The following UBE3C variants were observed in gnomAD, a reference collection of about 807,000 sequenced individuals.
The protein encoded by UBE3C is ubiquitin-protein ligase E3C.
A neutral mutation model predicts 129.4 loss-of-function variants in UBE3C; 42 were observed. That is an observed-to-expected ratio of 0.32 (90% confidence interval 0.25 to 0.42). UBE3C has a LOEUF of 0.42. UBE3C is among the 10% of genes least tolerant of loss of function. The pLI is 1.00. For missense variants in UBE3C, 1,049 were observed against 1,319.1 expected (o/e 0.80, Z 3.17); for synonymous variants, 510 against 492.4 (o/e 1.04, Z -0.47).
rs1796448558 is a variant in UBE3C, at chr7:157,245,462, C to T, written c.2482-2906C>T. Among the ~76,000 whole-genome samples, 3 of 152,204 alleles carry T rather than the reference C, an allele frequency of 2.0e-5. 1 individual carries two copies. Among genetic ancestry groups the T allele is most frequent in the Non-Finnish European group, 4.4e-5 (3 of 68,048 alleles). On this transcript the variant is annotated intron_variant, in intron 18 of 22. Transcript: ENST00000348165. ...TTCGAAGTGATGCCGTTTATCAGTGCTCCAGGTTAATAGTATTAACCATCC... is the reference window on the plus strand; with the variant it reads ...TTCGAAGTGATGCCGTTTATCAGTGTTCCAGGTTAATAGTATTAACCATCC...
intron 2 of UBE3C, among the ~76,000 whole-genome samples, chr7:157,166,062 A>T (rs1394065594): frequency 6.6e-6 from 1 of 152,170 alleles, no homozygotes; most frequent in Non-Finnish European, 1.5e-5. Flanking sequence ...GTTTTCATCT[A>T]TTATTTCATT....
chr7:157,209,389 T>G (rs1467379265), intron 13 of UBE3C, among the ~76,000 whole-genome samples: 2 of 152,240 alleles, frequency 1.3e-5, no homozygotes, highest in Non-Finnish European at 2.9e-5. Flanking sequence ...ACAATTTATT[T>G]TAATTACCTA....
At position 157,231,150 on chromosome 7, in the gene UBE3C, T is replaced by A; in HGVS notation, c.2304T>A (p.Asp768Glu). The change falls in exon 18 of 23, where the codon GAT (aspartate) becomes GAA (glutamate). Residue 768 changes from aspartate (D) to glutamate (E), a missense_variant. By Grantham distance (45) the Asp-to-Glu change is conservative (BLOSUM62 2). This residue lies in a region of UBE3C where 314 missense variants were observed against 416.9 expected (regional missense o/e 0.75). Coordinates refer to ENST00000348165, the MANE Select transcript of UBE3C (RefSeq NM_014671.3). ...ATGGCCTGGATGAAGCTGGCATTGATGGTGGTGGTATTTTCAGAGAGTTTT... is the reference window on the plus strand; with the variant it reads ...ATGGCCTGGATGAAGCTGGCATTGAAGGTGGTGGTATTTTCAGAGAGTTTT... ...NAHGLDEAGIDGGGIFREFLN... is the reference protein window; with the variant it reads ...NAHGLDEAGIEGGGIFREFLN... 1 of 1,614,142 alleles carries A rather than the reference T, an allele frequency of 6.2e-7. No individual in the cohort carries two copies. The highest frequency in any genetic ancestry group is 8.5e-7 in the Non-Finnish European group (1 of 1,180,026).
At chr7:157,210,538 GAGAA>G (rs1809562636) in intron 13 of UBE3C, among the ~76,000 whole-genome samples, 1 of 152,260 alleles carries the variant, frequency 6.6e-6, no homozygotes, top group South Asian at 2.1e-4. Flanking sequence ...ATAGTTCTGT[GAGAA>G]AGATACTATA....
chr7:157,154,059 C>T (rs1807836078), intron 1 of UBE3C, among the ~76,000 whole-genome samples: 1 of 132,682 alleles, frequency 7.5e-6, no homozygotes, highest in South Asian at 2.3e-4. Context: ...GTGGCTCACA[C>T]CTGTAATCCC....
chr7:157,216,437 G>T lies in UBE3C; in HGVS notation c.1810-430G>T, dbSNP rs184647790. On this transcript the variant is annotated intron_variant, in intron 13 of 22. Transcript: ENST00000348165. ...AACATGTCATCGGAGTTTGTTGTAC[G>T]CATCCTTAGATCACTCAGGTATTAA... Among the ~76,000 whole-genome samples the T allele has an allele frequency of 2.3e-4, 35 of 151,082 alleles. No individual in the cohort carries two copies. In the East Asian group the frequency reaches 6.2e-3, roughly 27 times the overall value.
In UBE3C at chr7:157,256,895, T is replaced by C. The variant is rs373520723; in HGVS notation, c.2951-19T>C. The C allele has an allele frequency of 2.0e-5, 33 of 1,613,690 alleles. No homozygotes were observed. The highest frequency in any genetic ancestry group is 3.3e-5 in the Admixed American group (2 of 59,968). ...GGTGTGCTTTGCATTTCATAAAGCA[T>C]GTGTTCATTTTGCCATAGGAGGCTA... On this transcript the variant is annotated intron_variant, in intron 21 of 22. Transcript: ENST00000348165.
chr7:157,155,639 T>C (rs145591993), intron 1 of UBE3C, among the ~76,000 whole-genome samples: 4 of 152,344 alleles, frequency 2.6e-5, no homozygotes, highest in African/African-American at 9.6e-5. Flanking sequence ...GAATAAACTT[T>C]GTTACCACTA....
chr7:157,231,375 A>T, intron 18 of UBE3C, 48 bp downstream of exon 18: 2 of 1,595,626 alleles, frequency 1.3e-6, no homozygotes, highest in Non-Finnish European at 1.7e-6. Flanking sequence ...AAAGATGTTG[A>T]CATTTTATGT....
At chr7:157,241,280 G>T (rs1207665612) in intron 18 of UBE3C, among the ~76,000 whole-genome samples, 1 of 152,170 alleles carries the variant, frequency 6.6e-6, no homozygotes, top group Non-Finnish European at 1.5e-5. Context: ...AAGGAAAAAT[G>T]AACTGGACTT....
rs148708650 is a variant in UBE3C, at chr7:157,267,722, G to A, written c.3219G>A (p.Ala1073=). 17 of 1,611,156 alleles carry A rather than the reference G, an allele frequency of 1.1e-5. No homozygotes were observed. Among genetic ancestry groups the A allele is most frequent in the African/African-American group, 4.0e-5 (3 of 74,752 alleles). ...TTTTGCGAAGTAAACTTCTCTATGCGATTGAATGTGCCGCTGGCTTTGAGC... is the reference window on the plus strand; with the variant it reads ...TTTTGCGAAGTAAACTTCTCTATGCAATTGAATGTGCCGCTGGCTTTGAGC... ...ETLLRSKLLY[A]IECAAGFELS Residue 1073 remains alanine (A), a synonymous_variant, in exon 23 of 23, where the codon GCG becomes GCA. Coordinates refer to ENST00000348165, the MANE Select transcript of UBE3C (RefSeq NM_014671.3).
rs187258026 is a variant in UBE3C, at chr7:157,240,503, G to A, written c.2482-7865G>A. On this transcript the variant is annotated intron_variant, in intron 18 of 22. Coordinates refer to ENST00000348165, the MANE Select transcript of UBE3C (RefSeq NM_014671.3). ...ATCATAAAGTGAAGTGAGACCAGCC[G>A]TGTGGGTTACTTTTTCTACACCCGT... is the stretch of plus-strand genomic sequence containing the variant. Among the ~76,000 whole-genome samples, 23 of 152,338 alleles carry A rather than the reference G, an allele frequency of 1.5e-4. No individual in the cohort carries two copies. The South Asian group carries it at 4.1e-3, about 27-fold the overall frequency.
At chr7:157,241,233 C>G (rs1410304363) in intron 18 of UBE3C, among the ~76,000 whole-genome samples, 1 of 152,124 alleles carries the variant, frequency 6.6e-6, no homozygotes, top group Non-Finnish European at 1.5e-5. Context: ...AGGAAAAAAT[C>G]CCGTCTTAGC....
intron 13 of UBE3C, among the ~76,000 whole-genome samples, chr7:157,209,641 A>G (rs897812870): frequency 2.0e-5 from 3 of 152,326 alleles, no homozygotes; most frequent in East Asian, 1.9e-4. Flanking sequence ...ATGATGTGCA[A>G]TATCAGGTGT....
chr7:157,177,780 T>C (rs553438584), intron 5 of UBE3C, among the ~76,000 whole-genome samples: 21 of 152,270 alleles, frequency 1.4e-4, no homozygotes, highest in African/African-American at 5.1e-4. Flanking sequence ...GGATAAGCCG[T>C]GTAGACACAC....
At chr7:157,222,596 A>G (rs1795768102) in intron 15 of UBE3C, 1 of 152,080 alleles carries the variant, frequency 6.6e-6, no homozygotes, top group Non-Finnish European at 1.5e-5. Flanking sequence ...ATTTTTAAAA[A>G]AATTTTCTTC....
At chr7:157,188,467 T>C (rs529660703) in intron 10 of UBE3C, among the ~76,000 whole-genome samples, 1 of 152,348 alleles carries the variant, frequency 6.6e-6, no homozygotes, top group Non-Finnish European at 1.5e-5. Context: ...CTTTGCCGGC[T>C]AATTGCATGA....
chr7:157,197,940 C>A, intron 10 of UBE3C: 1 of 1,608,468 alleles, frequency 6.2e-7, no homozygotes, highest in Non-Finnish European at 8.5e-7. Flanking sequence ...AAGTTTTTGC[C>A]CTTCTCCACT....
chr7:157,218,886 C>T (rs1242916187), intron 14 of UBE3C, among the ~76,000 whole-genome samples: 1 of 152,104 alleles, frequency 6.6e-6, no homozygotes, highest in African/African-American at 2.4e-5. Flanking sequence ...CAAAACCCTT[C>T]GTCATCATAT....
Sources: allele counts gnomAD v4.1 joint callset (sites outside exome capture counted in the v4.1 genomes callset), GRCh38; gene constraint gnomAD v4.1.1; regional missense constraint gnomAD v4.1.1; transcripts MANE v1.5; gene names NCBI Gene and HGNC (gene_info 2026-07-23, HGNC 2026-07-21).